The following PPP2R2C variants were observed in gnomAD, a reference collection of about 807,000 sequenced individuals.
The protein encoded by PPP2R2C is protein phosphatase 2 regulatory subunit Bgamma, also known as protein phosphatase 2, regulatory subunit B, gamma.
A neutral mutation model predicts 45.3 loss-of-function variants in PPP2R2C; 10 were observed. The ratio of observed to expected loss-of-function variants is 0.22; its 90% CI spans 0.14 to 0.37. The LOEUF is 0.37. PPP2R2C is among the 10% of genes least tolerant of loss of function. The pLI, the probability that PPP2R2C is intolerant of heterozygous loss-of-function variation, is 1.00. For synonymous variants in PPP2R2C, 257 were observed against 245.4 expected (o/e 1.05, Z -0.44); for missense variants, 308 against 619.7 (o/e 0.50, Z 5.34).
At chr4:6,373,811 G>T (rs1168173115) in intron 4 of PPP2R2C, among the ~76,000 whole-genome samples, 1 of 152,202 alleles carries the variant, frequency 6.6e-6, no homozygotes, top group Non-Finnish European at 1.5e-5. Context: ...GTGTGGGAGT[G>T]TGCATGGCTG....
intron 1 of PPP2R2C, among the ~76,000 whole-genome samples, chr4:6,423,231 T>C (rs1249510671): frequency 2.6e-5 from 4 of 152,234 alleles, no homozygotes; most frequent in African/African-American, 9.6e-5. Context: ...TTCAAGACAG[T>C]CTCACTCTGT....
rs985958847 is a variant in PPP2R2C, at chr4:6,563,169, G to A, written c.-59+391C>T. On this transcript the variant is annotated intron_variant, in intron 1 of 9. Transcript: ENST00000506140. The surrounding 1 kb of genome is among the most constrained non-coding windows in gnomAD (Gnocchi z 5.8). ...AGCCGGGCAGCGAGGGGGGGCTCGA[G>A]CGCGCCGGTTCTCGGCCGAGACGCT... 6.6e-6 allele frequency among the ~76,000 whole-genome samples: 1 copy of A among 152,206 alleles called. No individual in the cohort carries two copies.
intron 1 of PPP2R2C, among the ~76,000 whole-genome samples, chr4:6,461,769 C>T (rs78685985): frequency 0.025 from 3,848 of 152,348 alleles, 70 homozygotes; most frequent in Non-Finnish European, 0.037. Flanking sequence ...GAGAACATCC[C>T]TCTTCCCTCA....
In PPP2R2C at chr4:6,321,909, G is replaced by T. The variant is rs948927052; in HGVS notation, c.*1393C>A. 6.6e-6 allele frequency: 1 copy of T among 152,162 alleles called. No individual in the cohort carries two copies. Among genetic ancestry groups the T allele is most frequent in the Non-Finnish European group, 1.5e-5 (1 of 68,036 alleles). 9.4% of individuals were successfully genotyped at this position (152,162 alleles called of 1,614,324 possible). A position where few individuals can be genotyped will look rare whatever the true frequency, so the allele number is the denominator to read the frequency against. On this transcript the variant is annotated 3_prime_UTR_variant, in exon 9 of 9. Coordinates refer to ENST00000382599, the MANE Select transcript of PPP2R2C (RefSeq NM_020416.4). ...GGACTGTGTGGTCCTTAAAGTAAAGGTATCCTAAAATGGTCAGAACATGCA... is the reference window on the plus strand; with the variant it reads ...GGACTGTGTGGTCCTTAAAGTAAAGTTATCCTAAAATGGTCAGAACATGCA...
chr4:6,492,616 A>G (rs1722731745), intron 2 of PPP2R2C, among the ~76,000 whole-genome samples: 1 of 152,196 alleles, frequency 6.6e-6, no homozygotes, highest in Non-Finnish European at 1.5e-5. Flanking sequence ...AGCCCTCTGT[A>G]TAATTCTCAG....
intron 2 of PPP2R2C, among the ~76,000 whole-genome samples, chr4:6,478,639 C>T (rs996076855): frequency 6.6e-6 from 1 of 152,224 alleles, no homozygotes; most frequent in Non-Finnish European, 1.5e-5. Flanking sequence ...TGCTACCTCC[C>T]CCTTTGCCAG....
intron 1 of PPP2R2C, among the ~76,000 whole-genome samples, chr4:6,562,568 C>A (rs1185301999): frequency 6.6e-6 from 1 of 152,098 alleles, no homozygotes; most frequent in Non-Finnish European, 1.5e-5. Context: ...GCCCTCTGTA[C>A]CTTCCATCAC....
In PPP2R2C at chr4:6,330,619, C is replaced by T. The variant is rs1328511667; in HGVS notation, c.961-1266G>A. Among the ~76,000 whole-genome samples, 8 of 152,118 alleles carry T rather than the reference C, an allele frequency of 5.3e-5. No individual in the cohort carries two copies. The highest frequency in any genetic ancestry group is 7.4e-5 in the Non-Finnish European group (5 of 68,016). On this transcript the variant is annotated intron_variant, in intron 7 of 8. Coordinates refer to ENST00000382599, the MANE Select transcript of PPP2R2C (RefSeq NM_020416.4). This position sits in a 1 kb window ranked among gnomAD's most constrained non-coding sequence, Gnocchi z 7.0. ...CTCTCCCCTGGGTCACCAGCCTGCC[C>T]GCCTGCTCTGCAGATTTAGAACATG...
intron 2 of PPP2R2C, among the ~76,000 whole-genome samples, chr4:6,494,996 G>A (rs996648284): frequency 6.6e-6 from 1 of 152,214 alleles, no homozygotes; most frequent in Non-Finnish European, 1.5e-5. Context: ...AGCTGTCCAC[G>A]CAGCGAGGTT....
intron 1 of PPP2R2C, among the ~76,000 whole-genome samples, chr4:6,549,942 T>A (rs1482093487): frequency 6.6e-6 from 1 of 152,188 alleles, no homozygotes; most frequent in African/African-American, 2.4e-5. Flanking sequence ...GAAGTATTTC[T>A]TTAAAGTGAC....
intron 1 of PPP2R2C, among the ~76,000 whole-genome samples, chr4:6,549,125 C>A (rs1255759665): frequency 6.6e-6 from 1 of 152,196 alleles, no homozygotes; most frequent in East Asian, 1.9e-4. Flanking sequence ...GTCTAAGCCA[C>A]CATCATTGCT....
intron 1 of PPP2R2C, among the ~76,000 whole-genome samples, chr4:6,545,364 C>T (rs1349044014): frequency 6.6e-6 from 1 of 152,172 alleles, no homozygotes; most frequent in African/African-American, 2.4e-5. Context: ...TTTAGAGTCA[C>T]AAGTGAGTAC....
rs1721951845 is a variant in PPP2R2C at position 6,472,379 on chromosome 4, G to T, written c.-150C>A. On this transcript the variant is annotated 5_prime_UTR_variant, in exon 1 of 9. Coordinates refer to ENST00000382599, the MANE Select transcript of PPP2R2C (RefSeq NM_020416.4). ...CGAAGGGAGGGCATCGCGGCAGGGG[G>T]ACGGGCGGGGGCGGCCGGGGGCGGG... 1 of 1,023,944 alleles carries T rather than the reference G, an allele frequency of 9.8e-7. No individual in the cohort carries two copies. Among genetic ancestry groups the T allele is most frequent in the Non-Finnish European group, 1.2e-6 (1 of 850,016 alleles). The allele number at this position is 1,023,944 out of a possible 1,614,324, so 63.4% of individuals were successfully genotyped here. A position where few individuals can be genotyped will look rare whatever the true frequency, so the allele number is the denominator to read the frequency against.
intron 1 of PPP2R2C, chr4:6,381,297 A>C (rs1715776945): frequency 1.3e-6 from 2 of 1,526,888 alleles, no homozygotes; most frequent in South Asian, 1.2e-5. Context: ...TTCCCTCTGC[A>C]CTGGCTGCAG....
At chr4:6,524,426 T>C (rs570266455) in intron 2 of PPP2R2C, among the ~76,000 whole-genome samples, 5 of 152,302 alleles carry the variant, frequency 3.3e-5, no homozygotes, top group Admixed American at 2.0e-4. Context: ...TTACTGAGTA[T>C]GACAAGTTAA....
chr4:6,391,207 G>A (rs1317491431), intron 1 of PPP2R2C, among the ~76,000 whole-genome samples: 1 of 152,130 alleles, frequency 6.6e-6, no homozygotes, highest in Non-Finnish European at 1.5e-5. Context: ...CCTCTGGCAG[G>A]AGCCTGGGTC....
intron 6 of PPP2R2C, among the ~76,000 whole-genome samples, chr4:6,343,316 CT>C (rs1322998880): frequency 6.6e-6 from 1 of 152,168 alleles, no homozygotes; most frequent in African/African-American, 2.4e-5. Context: ...GCTGCGCAAT[CT>C]TTTTGCTGGC....
chr4:6,491,089 T>C (rs1722687244), intron 2 of PPP2R2C, among the ~76,000 whole-genome samples: 2 of 152,154 alleles, frequency 1.3e-5, no homozygotes, highest in South Asian at 4.2e-4. Context: ...ACAGATCTGT[T>C]TTATCCCATT....
chr4:6,481,609 T>C (rs62286080), intron 2 of PPP2R2C, among the ~76,000 whole-genome samples: 5,522 of 152,244 alleles, frequency 0.036, 153 homozygotes, highest in Non-Finnish European at 0.055. Flanking sequence ...GTCTTTGCCT[T>C]TCATCAAAAT....
Sources: allele counts gnomAD v4.1 joint callset (sites outside exome capture counted in the v4.1 genomes callset), GRCh38; gene constraint gnomAD v4.1.1; non-coding constraint Gnocchi (gnomAD v3.1); transcripts MANE v1.5; gene names NCBI Gene and HGNC (gene_info 2026-07-23, HGNC 2026-07-21).